Variants in IGSF3 observed in about 807,000 individuals in gnomAD.
IGSF3 encodes the protein glu-Trp-Ile EWI motif-containing protein 3.
IGSF3 carries 23 observed loss-of-function variants against 114.4 expected under a neutral mutation model. That is an observed-to-expected ratio of 0.20 (90% CI 0.14 to 0.28). IGSF3 has a LOEUF of 0.28. IGSF3 is among the 10% of genes least tolerant of loss of function. The probability of loss-of-function intolerance (pLI) is 1.00; values close to 1 mark genes in which losing one functional copy is unlikely to be tolerated. For missense variants in IGSF3, 1,172 were observed against 1,591.5 expected, an observed-to-expected ratio of 0.74 and a Z score of 4.48; for synonymous variants, 571 against 645.2, an observed-to-expected ratio of 0.88 and a Z score of 1.74.
chr1:116,665,323 A>G lies in IGSF3; in HGVS notation c.43+961T>C, dbSNP rs987380819. 6.6e-6 allele frequency among the ~76,000 whole-genome samples: 1 copy of G among 152,208 alleles called. No individual in the cohort carries two copies. The highest frequency in any genetic ancestry group is 1.5e-5 in the Non-Finnish European group (1 of 68,044). On this transcript the variant is annotated intron_variant, in intron 2 of 10. Coordinates refer to ENST00000369486, the MANE Select transcript of IGSF3 (RefSeq NM_001007237.3). The surrounding 1 kb of genome is among the most constrained non-coding windows in gnomAD (Gnocchi z 4.0). ...TTTGGAGACGTGAACCCTGTAGGCA[A>G]CAATCATAATCCCTTCTGAATGCAG... is the stretch of plus-strand genomic sequence containing the variant.
chr1:116,638,476 C>T lies in IGSF3; in HGVS notation c.44-22019G>A, dbSNP rs1011560295. Among the ~76,000 whole-genome samples the T allele has an allele frequency of 6.6e-6, 1 of 152,214 alleles. No homozygotes were observed. The highest frequency in any genetic ancestry group is 2.4e-5 in the African/African-American group (1 of 41,452). ...CTTTGCCAATCACATCAAGTCCAAA[C>T]TCCGTGTCTTGGTATCCAAGGCTTC... On this transcript the variant is annotated intron_variant, in intron 2 of 10. Coordinates refer to ENST00000369486, the MANE Select transcript of IGSF3 (RefSeq NM_001007237.3). This position sits in a 1 kb window ranked among gnomAD's most constrained non-coding sequence, Gnocchi z 4.1.
At position 116,598,924 on chromosome 1, in the gene IGSF3, C is replaced by T. The variant is rs150420874; in HGVS notation, c.2029+1017G>A. On this transcript the variant is annotated intron_variant, in intron 7 of 10. Transcript: ENST00000369486. This position sits in a 1 kb window ranked among gnomAD's most constrained non-coding sequence, Gnocchi z 4.3. ...AGGCGAGAGTGTTTGCAGAAAGCCC[C>T]ACTGACTAATGCTCCCCAAATTAAT... Among the ~76,000 whole-genome samples, 887 of 152,310 alleles carry T rather than the reference C, an allele frequency of 5.8e-3. 5 individuals are homozygous for T. Among genetic ancestry groups the T allele is most frequent in the Middle Eastern group, 0.027 (8 of 294 alleles).
At position 116,593,251 on chromosome 1, in the gene IGSF3, T is replaced by C. The variant is rs1281417688; in HGVS notation, c.2030-4147A>G. Among the ~76,000 whole-genome samples, 6 of 152,200 alleles carry C rather than the reference T, an allele frequency of 3.9e-5. No individual in the cohort carries two copies. The South Asian group carries it at 1.0e-3, about 26-fold the overall frequency. On this transcript the variant is annotated intron_variant, in intron 7 of 10. Transcript: ENST00000369486. This position sits in a 1 kb window ranked among gnomAD's most constrained non-coding sequence, Gnocchi z 4.5. ...ACCTGCAGTCTCATGAGCCCTCCAA[T>C]TGATTCTGATGCACATTCAAGTTTG...
intron 2 of IGSF3, among the ~76,000 whole-genome samples, chr1:116,660,417 C>T (rs1318246452): frequency 6.6e-6 from 1 of 151,814 alleles, no homozygotes; most frequent in East Asian, 1.9e-4. Context: ...CTCCCTGCTT[C>T]TGCCTCCCAA....
At chr1:116,581,966 C>T (rs2101311955) in intron 9 of IGSF3, among the ~76,000 whole-genome samples, 1 of 152,308 alleles carries the variant, frequency 6.6e-6, no homozygotes, top group South Asian at 2.1e-4. Context: ...GGGCGATGTG[C>T]AGTGGAACTT....
chr1:116,617,157 G>A (rs1232321326), intron 2 of IGSF3: 2 of 255,646 alleles, frequency 7.8e-6, no homozygotes, highest in Admixed American at 6.5e-5. Flanking sequence ...GGAACTAACA[G>A]TGCCCAGCTA....
At chr1:116,639,435 C>T (rs2101051499) in intron 2 of IGSF3, among the ~76,000 whole-genome samples, 1 of 152,330 alleles carries the variant, frequency 6.6e-6, no homozygotes, top group South Asian at 2.1e-4. Flanking sequence ...GGCCTGTCCT[C>T]CCTACTCCTA....
At position 116,633,923 on chromosome 1, in the gene IGSF3, G is replaced by C. The variant is rs1022117493; in HGVS notation, c.44-17466C>G. Among the ~76,000 whole-genome samples the C allele has an allele frequency of 6.6e-6, 1 of 152,248 alleles. No homozygotes were observed. Among genetic ancestry groups the C allele is most frequent in the Non-Finnish European group, 1.5e-5 (1 of 68,042 alleles). ...CTCTGCCCTCTCACAAAGGTGAGTA[G>C]ATGGGTCTGGAGAGGGCTGTTCATG... On this transcript the variant is annotated intron_variant, in intron 2 of 10. Transcript: ENST00000369486. The surrounding 1 kb of genome is among the most constrained non-coding windows in gnomAD (Gnocchi z 4.3).
At chr1:116,581,039 T>A (rs1278675497) in intron 9 of IGSF3, among the ~76,000 whole-genome samples, 2 of 152,220 alleles carry the variant, frequency 1.3e-5, no homozygotes, top group Admixed American at 1.3e-4. Flanking sequence ...CCCTGGGAAT[T>A]TAAAACACCC....
Position 116,575,488 on chromosome 1 carries a change from C to G in IGSF3, c.*1824G>C, listed in dbSNP as rs1659307486. Reference sequence around the variant, plus strand: ...CGAGCAGCCCAGGCCACCTGCATACCTGCAGACCCTTGAAGGATCAGCACA... The same window carrying G: ...CGAGCAGCCCAGGCCACCTGCATACGTGCAGACCCTTGAAGGATCAGCACA... On this transcript the variant is annotated 3_prime_UTR_variant, in exon 11 of 11. Coordinates refer to ENST00000369486, the MANE Select transcript of IGSF3 (RefSeq NM_001007237.3). This position sits in a 1 kb window ranked among gnomAD's most constrained non-coding sequence, Gnocchi z 5.6. The G allele has an allele frequency of 6.5e-6, 1 of 152,716 alleles. No individual in the cohort carries two copies. Among genetic ancestry groups the G allele is most frequent in the Admixed American group, 6.5e-5 (1 of 15,306 alleles). 9.5% of individuals were successfully genotyped at this position (152,716 alleles called of 1,614,324 possible). A position where few individuals can be genotyped will look rare whatever the true frequency, so the allele number is the denominator to read the frequency against.
rs1390116070 is a variant in IGSF3, at chr1:116,614,931, A to G, written c.422-756T>C. Among the ~76,000 whole-genome samples, 2 of 152,112 alleles carry G rather than the reference A, an allele frequency of 1.3e-5. No homozygotes were observed. Among genetic ancestry groups the G allele is most frequent in the Non-Finnish European group, 1.5e-5 (1 of 68,020 alleles). On this transcript the variant is annotated intron_variant, in intron 3 of 10. Transcript: ENST00000369486. The surrounding 1 kb of genome is among the most constrained non-coding windows in gnomAD (Gnocchi z 4.5). The stretch of plus-strand genomic sequence containing the variant: ...TGATGAGAGTACCCTAGTCACAACT[A>G]GTATGTGTTTTCTCCCTGTTCTCAC...
At chr1:116,604,234 G>T (rs1002182177) in intron 5 of IGSF3, among the ~76,000 whole-genome samples, 5 of 152,202 alleles carry the variant, frequency 3.3e-5, no homozygotes, top group African/African-American at 1.2e-4. Flanking sequence ...AATCTAGGAT[G>T]TTCTTTGCCA....
chr1:116,596,630 G>T lies in IGSF3; in HGVS notation c.2029+3311C>A, dbSNP rs1271298657. Among the ~76,000 whole-genome samples the T allele has an allele frequency of 6.6e-6, 1 of 152,200 alleles. No individual in the cohort carries two copies. Among genetic ancestry groups the T allele is most frequent in the Non-Finnish European group, 1.5e-5 (1 of 68,040 alleles). ...AATCAGGGGTGGTTAACCAGAGAGA[G>T]GAAACATTAAATACAAGTATACAGT... On this transcript the variant is annotated intron_variant, in intron 7 of 10. Coordinates refer to ENST00000369486, the MANE Select transcript of IGSF3 (RefSeq NM_001007237.3). This position sits in a 1 kb window ranked among gnomAD's most constrained non-coding sequence, Gnocchi z 4.1.
chr1:116,620,343 G>T (rs1457761540), intron 2 of IGSF3, among the ~76,000 whole-genome samples: 1 of 152,194 alleles, frequency 6.6e-6, no homozygotes, highest in Non-Finnish European at 1.5e-5. Flanking sequence ...GATCCAATCA[G>T]CATTGGTCAG....
intron 2 of IGSF3, among the ~76,000 whole-genome samples, chr1:116,653,768 T>C (rs992090486): frequency 6.6e-6 from 1 of 152,178 alleles, no homozygotes; most frequent in African/African-American, 2.4e-5. Context: ...GGCATATTAG[T>C]TCTCTATCTT....
intron 7 of IGSF3, among the ~76,000 whole-genome samples, chr1:116,597,776 A>C (rs1278435120): frequency 2.6e-5 from 4 of 152,226 alleles, no homozygotes; most frequent in Non-Finnish European, 5.9e-5. Flanking sequence ...GCTCTATGGA[A>C]GTCAGAGATA....
Position 116,620,127 on chromosome 1 carries a change from C to T in IGSF3, c.44-3670G>A, listed in dbSNP as rs556409135. On this transcript the variant is annotated intron_variant, in intron 2 of 10. Transcript: ENST00000369486. ...TGTCCCCAGTTCCTGGCACTGAGCT[C>T]CTAAACCCCTTGGAACTTCCTAAGC... Among the ~76,000 whole-genome samples, 1,103 of 152,202 alleles carry T rather than the reference C, an allele frequency of 7.2e-3. 10 individuals carry two copies. The highest frequency in any genetic ancestry group is 0.011 in the Non-Finnish European group (745 of 68,024).
At chr1:116,619,015 G>T (rs1053639964) in intron 2 of IGSF3, among the ~76,000 whole-genome samples, 88 of 152,260 alleles carry the variant, frequency 5.8e-4, no homozygotes, top group African/African-American at 2.1e-3. Context: ...GATTAATTAG[G>T]ATTTTTTTTT....
intron 2 of IGSF3, among the ~76,000 whole-genome samples, chr1:116,623,543 G>A (rs1046960112): frequency 2.0e-5 from 3 of 151,860 alleles, no homozygotes; most frequent in African/African-American, 2.4e-5. Flanking sequence ...AAAATTAGCC[G>A]GGTGTGATGG....
Sources: gnomAD v4.1 joint callset for allele counts (sites outside exome capture counted in the v4.1 genomes callset) on GRCh38, gnomAD v4.1.1 for gene constraint, Gnocchi (gnomAD v3.1) non-coding constraint, MANE v1.5 for transcripts, NCBI Gene and HGNC (gene_info 2026-07-23, HGNC 2026-07-21) for gene names.